The following MAP3K20 variants were observed in gnomAD, a reference collection of about 807,000 sequenced individuals.
MAP3K20 encodes the protein HCCS-4.
Under a neutral mutation model 85.7 loss-of-function variants are expected in MAP3K20, and 40 were observed. The observed-to-expected ratio is 0.47, with a 90% CI of 0.36 to 0.61. The LOEUF is 0.61. Among genes scored for constraint, MAP3K20 ranks in the 20% least tolerant of loss-of-function variants. The probability of loss-of-function intolerance (pLI) is 0.00; values close to 1 mark genes in which losing one functional copy is unlikely to be tolerated. For missense variants in MAP3K20, 817 were observed against 961.7 expected (o/e 0.85, Z 1.99); for synonymous variants, 325 against 327.7 (o/e 0.99, Z 0.09).
At chr2:173,219,623 A>G (rs1326727235) in intron 11 of MAP3K20, among the ~76,000 whole-genome samples, 1 of 152,226 alleles carries the variant, frequency 6.6e-6, no homozygotes, top group Non-Finnish European at 1.5e-5. Flanking sequence ...TCCAATGTTT[A>G]AAGATCTAAA....
chr2:173,217,582 C>T (rs901447322), intron 11 of MAP3K20, among the ~76,000 whole-genome samples: 4 of 152,186 alleles, frequency 2.6e-5, no homozygotes, highest in African/African-American at 7.2e-5. Context: ...ACATGCACCT[C>T]GGTGCTGATT....
Position 173,184,977 on chromosome 2 carries a change from C to T in MAP3K20, c.349+2022C>T, listed in dbSNP as rs549333098. Among the ~76,000 whole-genome samples the T allele has an allele frequency of 5.3e-5, 8 of 151,932 alleles. No individual in the cohort carries two copies. In the East Asian group the frequency reaches 1.6e-3, roughly 30 times the overall value. On this transcript the variant is annotated intron_variant, in intron 4 of 19. Coordinates refer to ENST00000375213, the MANE Select transcript of MAP3K20 (RefSeq NM_016653.3). Reference sequence around the variant, plus strand: ...GAAGGAGAGGCCAGGCACGGTGGCTCACGCCTATAATCCTAGCACTTTGGG... The same window carrying T: ...GAAGGAGAGGCCAGGCACGGTGGCTTACGCCTATAATCCTAGCACTTTGGG...
intron 3 of MAP3K20, among the ~76,000 whole-genome samples, chr2:173,180,568 A>G (rs894606527): frequency 3.9e-5 from 6 of 152,082 alleles, no homozygotes; most frequent in Non-Finnish European, 7.4e-5. Flanking sequence ...CCCAGCTACT[A>G]GAAAGGCTGA....
At chr2:173,093,437 A>G (rs16861269) in intron 2 of MAP3K20, among the ~76,000 whole-genome samples, 9,468 of 152,254 alleles carry the variant, frequency 0.062, 963 homozygotes, top group East Asian at 0.54. Flanking sequence ...GAGAAAATAT[A>G]TACCAAACTC....
At chr2:173,223,844 G>A in intron 11 of MAP3K20, 1 of 985,458 alleles carries the variant, frequency 1.0e-6, no homozygotes, top group Non-Finnish European at 1.2e-6. Context: ...CACCCAAGAA[G>A]AAAAGCTTGG....
chr2:173,267,310 TTTTTC>T lies in MAP3K20; in HGVS notation c.*569_*573del, dbSNP rs1685448514. ...TGGTTTGAGGTTTTTTGTTGCTTCT[TTTTTC>T]TTTTCTTTCTTTCCCCCTCTTTTTT... On this transcript the variant is annotated 3_prime_UTR_variant, in exon 20 of 20. Transcript: ENST00000375213. The T allele has an allele frequency of 6.6e-6, 1 of 152,208 alleles. No homozygotes were observed. The highest frequency in any genetic ancestry group is 2.4e-5 in the African/African-American group (1 of 41,458). The allele number at this position is 152,208 out of a possible 1,614,324, so 9.4% of individuals were successfully genotyped here.
intron 1 of MAP3K20, 108 bp from the exon 2 acceptor site, chr2:173,090,890 T>C (rs1319287266): frequency 7.3e-7 from 1 of 1,378,872 alleles, no homozygotes; most frequent in Non-Finnish European, 9.4e-7. Flanking sequence ...ACCGTGACTT[T>C]CTGGAAGTTT....
At chr2:173,227,238 C>T (rs901775947) in intron 11 of MAP3K20, 2 of 615,476 alleles carry the variant, frequency 3.2e-6, no homozygotes, top group Non-Finnish European at 4.1e-6. Flanking sequence ...CGCATGCAAA[C>T]AAGTGTTAGC....
At chr2:173,217,589 G>A (rs1484747117) in intron 11 of MAP3K20, among the ~76,000 whole-genome samples, 2 of 152,180 alleles carry the variant, frequency 1.3e-5, no homozygotes, top group African/African-American at 4.8e-5. Context: ...CCTCGGTGCT[G>A]ATTAACTCCT....
intron 2 of MAP3K20, among the ~76,000 whole-genome samples, chr2:173,097,023 A>G (rs145508073): frequency 6.6e-6 from 1 of 152,320 alleles, no homozygotes; most frequent in East Asian, 1.9e-4. Context: ...ATTTACAGCT[A>G]CTGCCCAGAG....
intron 14 of MAP3K20, 96 bp downstream of exon 14, chr2:173,232,555 G>A (rs748230459): frequency 2.0e-6 from 3 of 1,536,458 alleles, no homozygotes; most frequent in Non-Finnish European, 2.6e-6. Flanking sequence ...CCAGGCTGGA[G>A]TGCAAAGGCA....
At chr2:173,083,656 G>C (rs188111757) in intron 1 of MAP3K20, among the ~76,000 whole-genome samples, 6 of 152,244 alleles carry the variant, frequency 3.9e-5, no homozygotes, top group African/African-American at 4.8e-5. Flanking sequence ...TTGAAGATAA[G>C]ACTCAGGGGA....
At chr2:173,092,448 G>A (rs1261234513) in intron 2 of MAP3K20, among the ~76,000 whole-genome samples, 1 of 152,146 alleles carries the variant, frequency 6.6e-6, no homozygotes, top group Non-Finnish European at 1.5e-5. Context: ...GTCCTTTATA[G>A]GAAGCATTAT....
rs193210494 is a variant in MAP3K20 at position 173,135,245 on chromosome 2, A to G, written c.160-34560A>G. Among the ~76,000 whole-genome samples, 11 of 152,338 alleles carry G rather than the reference A, an allele frequency of 7.2e-5. No individual in the cohort carries two copies. The East Asian group carries it at 1.5e-3, about 21-fold the overall frequency. ...CATTTAATTCTTGTAGAGTTAAATA[A>G]TTTTATTCAATGTCCTATTCAATAC... is the stretch of plus-strand genomic sequence containing the variant. On this transcript the variant is annotated intron_variant, in intron 2 of 19. Transcript: ENST00000375213.
intron 5 of MAP3K20, among the ~76,000 whole-genome samples, chr2:173,188,197 A>T (rs986282028): frequency 6.6e-6 from 1 of 152,166 alleles, no homozygotes; most frequent in African/African-American, 2.4e-5. Flanking sequence ...AAGCTTATTT[A>T]TGGCCCTGTA....
At chr2:173,244,666 G>A (rs1030227845) in intron 16 of MAP3K20, among the ~76,000 whole-genome samples, 3 of 152,122 alleles carry the variant, frequency 2.0e-5, no homozygotes, top group African/African-American at 7.2e-5. Context: ...AACAGTCCTA[G>A]AATAAATTAC....
chr2:173,118,909 T>C (rs1057251285), intron 2 of MAP3K20, among the ~76,000 whole-genome samples: 22 of 152,212 alleles, frequency 1.4e-4, no homozygotes, highest in African/African-American at 5.1e-4. Context: ...AGTTTGTCAA[T>C]TGTATATTCT....
chr2:173,246,799 C>T (rs1382119851), intron 16 of MAP3K20, among the ~76,000 whole-genome samples: 4 of 152,120 alleles, frequency 2.6e-5, no homozygotes. Context: ...AGATAAGAGA[C>T]TGAGGTTAGG....
At chr2:173,194,641 T>C (rs1690766298) in intron 7 of MAP3K20, among the ~76,000 whole-genome samples, 2 of 152,080 alleles carry the variant, frequency 1.3e-5, no homozygotes, top group African/African-American at 4.8e-5. Context: ...CCAAGACTCC[T>C]TTGTCAGTAG....
Sources: allele counts gnomAD v4.1 joint callset (sites outside exome capture counted in the v4.1 genomes callset), GRCh38; gene constraint gnomAD v4.1.1; transcripts MANE v1.5; gene names NCBI Gene and HGNC (gene_info 2026-07-23, HGNC 2026-07-21).